The following LY96 variants were observed in gnomAD, a reference collection of about 807,000 sequenced individuals.
The protein encoded by LY96 is myeloid differentiation protein-2.
A neutral mutation model predicts 18.9 loss-of-function variants in LY96; 18 were observed. The observed-to-expected ratio is 0.95, with a 90% CI of 0.66 to 1.41. The LOEUF (loss-of-function observed/expected upper bound fraction) is 1.41. Ranked by LOEUF, LY96 falls within the 40% of genes most tolerant of loss-of-function variation. The pLI is 0.00. For synonymous variants in LY96, 66 were observed against 62.6 expected (o/e 1.06, Z -0.26); for missense variants, 175 against 182.4 (o/e 0.96, Z 0.23).
the LY96 span, among the ~76,000 whole-genome samples, chr8:74,083,770 C>T: frequency 4.6e-5 from 7 of 152,240 alleles, no homozygotes; most frequent in Non-Finnish European, 1.0e-4. Flanking sequence ...CTGCTCACTG[C>T]AGCCTTGACC....
At chr8:74,085,091 C>A in the LY96 span, among the ~76,000 whole-genome samples, 1 of 152,200 alleles carries the variant, frequency 6.6e-6, no homozygotes, top group Non-Finnish European at 1.5e-5. Context: ...ATAAGAATAA[C>A]ATTTGTATGC....
chr8:74,088,150 GAA>G, the LY96 span, among the ~76,000 whole-genome samples: 2 of 151,262 alleles, frequency 1.3e-5, no homozygotes, highest in African/African-American at 4.9e-5. Context: ...GAATAGAATA[GAA>G]AAGAATAGAA....
chr8:74,069,134 T>A, the LY96 span, among the ~76,000 whole-genome samples: 1 of 152,252 alleles, frequency 6.6e-6, no homozygotes, highest in South Asian at 2.1e-4. Context: ...CTTTGTCAGA[T>A]AAATATATTG....
chr8:74,017,188 CA>C (rs1208433057), intron 3 of LY96, among the ~76,000 whole-genome samples: 1 of 152,162 alleles, frequency 6.6e-6, no homozygotes, highest in East Asian at 1.9e-4. Context: ...CTAGAATAAA[CA>C]GTGTAGAGAA....
Position 74,004,806 on chromosome 8 carries a change from A to G in LY96, c.123A>G (p.Gln41=). The change falls in exon 2 of 5, where the codon CAA becomes CAG. Residue 41 remains glutamine, a synonymous_variant. Coordinates refer to ENST00000284818, the MANE Select transcript of LY96 (RefSeq NM_015364.5). ...SISYTYCDKM[Q]YPISINVNPC... ...CTTTATTGCTTTTAGATAAAATGCA[A>G]TACCCAATTTCAATTAATGTTAACC... is the stretch of plus-strand genomic sequence containing the variant. 6.4e-7 allele frequency: 1 copy of G among 1,573,360 alleles called. No homozygotes were observed. The highest frequency in any genetic ancestry group is 8.7e-7 in the Non-Finnish European group (1 of 1,145,608).
chr8:73,997,986 G>A (rs1413190365), intron 1 of LY96, among the ~76,000 whole-genome samples: 2 of 152,124 alleles, frequency 1.3e-5, no homozygotes, highest in African/African-American at 4.8e-5. Flanking sequence ...TGTTCATCAT[G>A]TAGGCATAAT....
At chr8:74,009,618 G>A (rs1816488119) in intron 2 of LY96, among the ~76,000 whole-genome samples, 1 of 152,082 alleles carries the variant, frequency 6.6e-6, no homozygotes, top group South Asian at 2.1e-4. Flanking sequence ...AGAACTCCTA[G>A]AAAGTTGACT....
At chr8:74,052,380 A>T in the LY96 span, 1 of 152,278 alleles carries the variant, frequency 6.6e-6, no homozygotes, top group East Asian at 1.9e-4. Context: ...CCCCCAGTTT[A>T]GCCCGTTGGC....
intron 2 of LY96, among the ~76,000 whole-genome samples, chr8:74,007,025 A>G (rs1051361205): frequency 1.3e-5 from 2 of 152,234 alleles, no homozygotes; most frequent in East Asian, 1.9e-4. Context: ...CTTTGAAAAG[A>G]GAGTAGGGAG....
chr8:74,093,361 C>T, the LY96 span, among the ~76,000 whole-genome samples: 1 of 152,202 alleles, frequency 6.6e-6, no homozygotes, highest in East Asian at 1.9e-4. Context: ...TCTTTAATAG[C>T]TACTGCAGTG....
chr8:74,089,520 C>T, the LY96 span, among the ~76,000 whole-genome samples: 4 of 152,162 alleles, frequency 2.6e-5, no homozygotes, highest in African/African-American at 9.7e-5. Flanking sequence ...CTTCACTGCC[C>T]TCGGGAACCA....
At chr8:74,081,041 T>C in the LY96 span, among the ~76,000 whole-genome samples, 1 of 126,390 alleles carries the variant, frequency 7.9e-6, no homozygotes, top group African/African-American at 3.9e-5. Context: ...TTTCTTTCTT[T>C]CTTTCTTTTT....
the LY96 span, among the ~76,000 whole-genome samples, chr8:74,070,314 A>G: frequency 4.0e-5 from 6 of 151,482 alleles, no homozygotes; most frequent in Non-Finnish European, 8.8e-5. Flanking sequence ...GACGGTCTCA[A>G]TCTCCTGACC....
intron 3 of LY96, among the ~76,000 whole-genome samples, chr8:74,014,158 TC>T (rs1432310901): frequency 2.0e-5 from 3 of 151,554 alleles, no homozygotes; most frequent in Non-Finnish European, 4.4e-5. Context: ...ATCAAGACCC[TC>T]TTGGGCTGGG....
chr8:74,035,585 G>A, the LY96 span, among the ~76,000 whole-genome samples: 3 of 152,144 alleles, frequency 2.0e-5, no homozygotes, highest in Admixed American at 6.6e-5. Context: ...TGACAGGAAG[G>A]GGGGATCAGA....
At chr8:74,036,874 T>A in the LY96 span, among the ~76,000 whole-genome samples, 1 of 152,188 alleles carries the variant, frequency 6.6e-6, no homozygotes, top group Non-Finnish European at 1.5e-5. Context: ...CCCAACCCTG[T>A]TTCATTCCTT....
chr8:74,034,598 ACT>A, the LY96 span, among the ~76,000 whole-genome samples: 1 of 151,808 alleles, frequency 6.6e-6, no homozygotes, highest in East Asian at 1.9e-4. Context: ...ACACATAAAT[ACT>A]CTTTTGATTT....
At chr8:74,085,504 A>G in the LY96 span, among the ~76,000 whole-genome samples, 4 of 152,146 alleles carry the variant, frequency 2.6e-5, no homozygotes, top group East Asian at 7.7e-4. Flanking sequence ...GAAACCAAAG[A>G]TTTGTCACCG....
rs749461350 is a variant in LY96, at chr8:74,026,806, A to C, written c.349A>C (p.Ile117Leu). The change falls in exon 4 of 5, where the codon ATA becomes CTA. Residue 117 changes from isoleucine to leucine, a missense_variant. Coordinates refer to ENST00000284818, the MANE Select transcript of LY96 (RefSeq NM_015364.5). ...ALKGETVNTTISFSFKGIKFS... is the reference protein window; with the variant it reads ...ALKGETVNTTLSFSFKGIKFS... ...GTTTGCAGAGACTGTGAATACAACAATATCATTCTCCTTCAAGGGAATAAA... is the reference window on the plus strand; with the variant it reads ...GTTTGCAGAGACTGTGAATACAACACTATCATTCTCCTTCAAGGGAATAAA... 1 of 1,535,868 alleles carries C rather than the reference A, an allele frequency of 6.5e-7. No homozygotes were observed. The highest frequency in any genetic ancestry group is 1.1e-5 in the South Asian group (1 of 89,240).
Sources: allele counts gnomAD v4.1 joint callset (sites outside exome capture counted in the v4.1 genomes callset), GRCh38; gene constraint gnomAD v4.1.1; transcripts MANE v1.5; gene names NCBI Gene and HGNC (gene_info 2026-07-23, HGNC 2026-07-21).